Variants in ZRSR2 observed in about 807,000 individuals in gnomAD.
The protein encoded by ZRSR2 is U2 small nuclear ribonucleoprotein auxiliary factor 35 kDa subunit-related protein 2.
A neutral mutation model predicts 39.4 loss-of-function variants in ZRSR2; 3 were observed. That is an observed-to-expected ratio of 0.08 (90% CI 0.03 to 0.20). The LOEUF (loss-of-function observed/expected upper bound fraction) is 0.20. ZRSR2 is among the 10% of genes least tolerant of loss of function. The pLI, the probability that ZRSR2 is intolerant of heterozygous loss-of-function variation, is 1.00. For synonymous variants in ZRSR2, 137 were observed against 136.0 expected, an observed-to-expected ratio of 1.01 and a Z score of -0.05; for missense variants, 256 against 391.5, an observed-to-expected ratio of 0.65 and a Z score of 2.92.
At chrX:15,809,688 G>C (rs1176185517) in intron 7 of ZRSR2, among the ~76,000 whole-genome samples, 3 of 111,979 alleles carry the variant, frequency 2.7e-5, no homozygotes, top group African/African-American at 9.7e-5. Flanking sequence ...ATTTTTTGAA[G>C]GGCACACACT....
chrX:15,790,893 T>C, intron 1 of ZRSR2, 41 bp from the exon 2 acceptor site: 1 of 1,152,659 alleles, frequency 8.7e-7, no homozygotes, highest in Non-Finnish European at 1.2e-6. Context: ...CAGCGCTGCA[T>C]TGTAGCCGCT....
chrX:15,816,906 A>G (rs1482500942), intron 8 of ZRSR2, among the ~76,000 whole-genome samples: 1 of 110,782 alleles, frequency 9.0e-6, no homozygotes, highest in Non-Finnish European at 1.9e-5. Flanking sequence ...TCTGGGGCAT[A>G]TGCCTTCCTG....
In ZRSR2 at chrX:15,817,773, T is replaced by C. The variant is rs1267451365; in HGVS notation, c.772-814T>C. 2.7e-5 allele frequency among the ~76,000 whole-genome samples: 3 copies of C among 111,484 alleles called. No individual in the cohort carries two copies. In the East Asian group the frequency reaches 8.3e-4, roughly 31 times the overall value. ...ACCTGTTTAAGAATGCTGACTGCGG[T>C]ACTGTTTGTGGATGAAAAATTGGAA... On this transcript the variant is annotated intron_variant, in intron 8 of 10. Coordinates refer to ENST00000307771, the MANE Select transcript of ZRSR2 (RefSeq NM_005089.4).
Position 15,822,814 on chromosome X carries a change from G to A in ZRSR2, c.1021G>A (p.Glu341Lys), listed in dbSNP as rs747654949. 6.6e-5 allele frequency: 80 copies of A among 1,210,977 alleles called. No homozygotes were observed. Among genetic ancestry groups the A allele is most frequent in the Non-Finnish European group, 7.9e-5 (71 of 895,508 alleles). The change falls in exon 11 of 11, where the codon GAA becomes AAA. Residue 341 changes from glutamate to lysine, a missense_variant. Coordinates refer to ENST00000307771, the MANE Select transcript of ZRSR2 (RefSeq NM_005089.4). ...CAGAAATCCCAACAATGAATTCTGG[G>A]AAGCTAATAGAGACATCTACTTGTC... ...VFRNPNNEFW[E>K]ANRDIYLSPD...
chrX:15,823,103 G>A lies in ZRSR2; in HGVS notation c.1310G>A (p.Arg437Gln), dbSNP rs1268612577. 15 of 1,206,454 alleles carry A rather than the reference G, an allele frequency of 1.2e-5. No individual in the cohort carries two copies. Among genetic ancestry groups the A allele is most frequent in the South Asian group, 5.3e-5 (3 of 56,655 alleles). Residue 437 changes from arginine to glutamine, a missense_variant, in exon 11 of 11, where the codon CGG becomes CAG. Arg to Gln is a conservative substitution (Grantham distance 43). Transcript: ENST00000307771. The part of the protein sequence containing the change: ...RDRSRDRSRG[R>Q]GSRSRSRSRS... Reference sequence around the variant, plus strand: ...CGCAGCAGGGACCGCAGCCGGGGCCGGGGCAGCCGGAGCCGGAGCCGGAGC... The same window carrying A: ...CGCAGCAGGGACCGCAGCCGGGGCCAGGGCAGCCGGAGCCGGAGCCGGAGC...
chrX:15,812,387 C>T (rs1932900839), intron 7 of ZRSR2, among the ~76,000 whole-genome samples: 1 of 112,330 alleles, frequency 8.9e-6, no homozygotes, highest in Non-Finnish European at 1.9e-5. Flanking sequence ...TCCCTTTAGA[C>T]AAGTAGACTG....
At chrX:15,815,140 A>G (rs2147288487) in intron 7 of ZRSR2, among the ~76,000 whole-genome samples, 1 of 112,353 alleles carries the variant, frequency 8.9e-6, no homozygotes, top group African/African-American at 3.2e-5. Context: ...AATGTTTCCA[A>G]CTTGACATTA....
intron 7 of ZRSR2, among the ~76,000 whole-genome samples, chrX:15,810,068 G>A (rs1389863029): frequency 9.0e-6 from 1 of 111,618 alleles, no homozygotes; most frequent in East Asian, 2.8e-4. Flanking sequence ...CTGTGAGGCC[G>A]AAATGAGCAC....
chrX:15,808,844 C>T (rs1384966259), intron 6 of ZRSR2, among the ~76,000 whole-genome samples: 3 of 110,901 alleles, frequency 2.7e-5, no homozygotes, highest in East Asian at 5.7e-4. Flanking sequence ...TGGTCTTGAA[C>T]TCCTGATCTC....
chrX:15,805,091 CA>C (rs1932766629), intron 5 of ZRSR2, among the ~76,000 whole-genome samples: 1 of 111,805 alleles, frequency 8.9e-6, no homozygotes, highest in Admixed American at 9.6e-5. Context: ...ATTGGATAAT[CA>C]CCTTATAATT....
chrX:15,803,780 G>A lies in ZRSR2; in HGVS notation c.296G>A (p.Arg99Gln), dbSNP rs778127484. The A allele has an allele frequency of 3.4e-6, 4 of 1,192,187 alleles. No individual in the cohort carries two copies. Among genetic ancestry groups the A allele is most frequent in the Non-Finnish European group, 2.3e-6 (2 of 885,084 alleles). ...KKEKEEAAKK[R>Q]QEEQERKLKE... ...GAAAAGGAAGAGGCGGCTAAAAAAC[G>A]GCAAGAAGAACAAGAGGTATGGTAG... The change falls in exon 4 of 11, where the codon CGG becomes CAG. Residue 99 changes from arginine (R) to glutamine (Q), a missense_variant. By Grantham distance (43) the Arg-to-Gln change is conservative (BLOSUM62 1). This residue lies in a region of ZRSR2 where 87 missense variants were observed against 111.7 expected (regional missense o/e 0.78). Coordinates refer to ENST00000307771, the MANE Select transcript of ZRSR2 (RefSeq NM_005089.4).
chrX:15,814,201 G>A (rs1932927845), intron 7 of ZRSR2, among the ~76,000 whole-genome samples: 1 of 111,719 alleles, frequency 9.0e-6, no homozygotes, highest in South Asian at 3.7e-4. Flanking sequence ...GAGAAGGAAG[G>A]AAGTAAGAAA....
intron 3 of ZRSR2, among the ~76,000 whole-genome samples, chrX:15,800,621 A>C (rs1239662298): frequency 8.9e-6 from 1 of 112,684 alleles, no homozygotes; most frequent in Non-Finnish European, 1.9e-5. Flanking sequence ...AATGTACTTT[A>C]CGTGTGTCTT....
intron 3 of ZRSR2, chrX:15,801,694 CTTA>C (rs1299801906): frequency 8.9e-6 from 1 of 111,915 alleles, no homozygotes; most frequent in Non-Finnish European, 1.9e-5. Flanking sequence ...AGCTCTAGTT[CTTA>C]TTATTATAGA....
chrX:15,795,565 G>GA (rs1391193185), intron 2 of ZRSR2, among the ~76,000 whole-genome samples: 1 of 111,680 alleles, frequency 9.0e-6, no homozygotes, highest in East Asian at 2.8e-4. Context: ...AACCAATTCA[G>GA]AAAAAAGGAT....
intron 1 of ZRSR2, 127 bp downstream of exon 1, chrX:15,790,663 G>A (rs185207087): frequency 2.1e-6 from 2 of 960,855 alleles, no homozygotes; most frequent in Admixed American, 3.5e-5. Flanking sequence ...ATTCCTTCCT[G>A]GTGCGCGCTC....
intron 3 of ZRSR2, chrX:15,801,306 G>T: frequency 4.2e-6 from 1 of 239,256 alleles, no homozygotes; most frequent in Non-Finnish European, 8.3e-6. Flanking sequence ...TCCGCTCACC[G>T]CAACCTCCAC....
chrX:15,800,763 C>G (rs1050494138), intron 3 of ZRSR2, among the ~76,000 whole-genome samples: 1 of 112,401 alleles, frequency 8.9e-6, no homozygotes, highest in Non-Finnish European at 1.9e-5. Context: ...ACCCACTGTA[C>G]AGATGTAGCA....
At chrX:15,811,953 G>A (rs950051286) in intron 7 of ZRSR2, among the ~76,000 whole-genome samples, 5 of 110,172 alleles carry the variant, frequency 4.5e-5, no homozygotes, top group Non-Finnish European at 9.5e-5. Context: ...TTTTTGAGAC[G>A]GAGTCTCGCT....
Sources: gnomAD v4.1 joint callset for allele counts (sites outside exome capture counted in the v4.1 genomes callset) on GRCh38, gnomAD v4.1.1 for gene constraint, gnomAD v4.1.1 regional missense constraint, MANE v1.5 for transcripts, NCBI Gene and HGNC (gene_info 2026-07-23, HGNC 2026-07-21) for gene names.